Variants in RNF180 observed in about 807,000 individuals in gnomAD.
RNF180 encodes ring finger protein 180, also known as E3 ubiquitin-protein ligase RNF180.
RNF180 carries 38 observed loss-of-function variants against 59.2 expected under a neutral mutation model. The observed-to-expected ratio is 0.64, with a 90% CI of 0.50 to 0.84. The LOEUF is 0.84. Among genes scored for constraint, RNF180 ranks in the 40% least tolerant of loss-of-function variants. RNF180 has a pLI of 0.00. For missense variants in RNF180, 705 were observed against 700.9 expected, an observed-to-expected ratio of 1.01 and a Z score of -0.07; for synonymous variants, 262 against 240.3, an observed-to-expected ratio of 1.09 and a Z score of -0.84.
chr5:64,211,956 G>C (rs1466742660), intron 2 of RNF180, 109 bp from the exon 3 acceptor site: 1 of 598,482 alleles, frequency 1.7e-6, no homozygotes, highest in East Asian at 2.9e-5. Context: ...GTGTATATTT[G>C]CCTTCTAGCT....
At chr5:64,308,329 T>C (rs1215829619) in intron 5 of RNF180, among the ~76,000 whole-genome samples, 1 of 151,756 alleles carries the variant, frequency 6.6e-6, no homozygotes, top group Non-Finnish European at 1.5e-5. Flanking sequence ...TGTAATCTTA[T>C]GTGCATATTC....
At chr5:64,358,988 T>C (rs1270631315) in intron 7 of RNF180, among the ~76,000 whole-genome samples, 3 of 151,328 alleles carry the variant, frequency 2.0e-5, no homozygotes. Flanking sequence ...GGCTGCATAG[T>C]ATTCCATGGT....
intron 3 of RNF180, among the ~76,000 whole-genome samples, chr5:64,212,575 C>G (rs1235942084): frequency 1.3e-5 from 2 of 151,860 alleles, no homozygotes; most frequent in African/African-American, 4.8e-5. Context: ...AGAATAAGTC[C>G]TGTTGAATAA....
intron 5 of RNF180, among the ~76,000 whole-genome samples, chr5:64,324,945 G>A (rs974953146): frequency 3.3e-5 from 5 of 151,996 alleles, no homozygotes; most frequent in African/African-American, 1.2e-4. Flanking sequence ...ATACTTAATA[G>A]GTTTAGGTAT....
At chr5:64,317,656 C>G (rs1744126338) in intron 5 of RNF180, among the ~76,000 whole-genome samples, 1 of 150,102 alleles carries the variant, frequency 6.7e-6, no homozygotes, top group Admixed American at 6.6e-5. Flanking sequence ...ACACAGTAGT[C>G]CTGCCTTATC....
At chr5:64,260,552 A>G (rs886801837) in intron 5 of RNF180, among the ~76,000 whole-genome samples, 2 of 152,174 alleles carry the variant, frequency 1.3e-5, no homozygotes, top group Non-Finnish European at 2.9e-5. Context: ...ATTATCTATT[A>G]ATTTAGAATA....
chr5:64,281,522 G>A (rs1349850502), intron 5 of RNF180, among the ~76,000 whole-genome samples: 3 of 151,514 alleles, frequency 2.0e-5, no homozygotes, highest in African/African-American at 7.3e-5. Context: ...TTTTTGAGAT[G>A]GAGTCTTGTT....
chr5:64,353,099 G>A (rs1048884322), intron 7 of RNF180, among the ~76,000 whole-genome samples: 8 of 151,480 alleles, frequency 5.3e-5, no homozygotes, highest in African/African-American at 1.9e-4. Context: ...AAATCTCTAG[G>A]CTATATTTGC....
At chr5:64,276,723 A>G (rs1741741071) in intron 5 of RNF180, among the ~76,000 whole-genome samples, 2 of 152,118 alleles carry the variant, frequency 1.3e-5, no homozygotes, top group Admixed American at 6.6e-5. Flanking sequence ...TACAAATCAA[A>G]ATAATGTAAA....
intron 2 of RNF180, among the ~76,000 whole-genome samples, chr5:64,208,491 A>G (rs1336542675): frequency 1.3e-5 from 2 of 152,020 alleles, no homozygotes; most frequent in African/African-American, 4.8e-5. Flanking sequence ...TTGTTTTATC[A>G]TTTATATATT....
chr5:64,207,397 G>A (rs913565723), intron 2 of RNF180, among the ~76,000 whole-genome samples: 12 of 152,062 alleles, frequency 7.9e-5, no homozygotes, highest in African/African-American at 2.2e-4. Flanking sequence ...CAGGACCAGC[G>A]TGTTCAAAGG....
rs1195876249 is a variant in RNF180, at chr5:64,287,113, C to T, written c.1228-38073C>T. ...TCCCGAGTAGCTAGAATTACAGGCACCTGCCACCACACCTGGCTGATTTTT... is the reference window on the plus strand; with the variant it reads ...TCCCGAGTAGCTAGAATTACAGGCATCTGCCACCACACCTGGCTGATTTTT... On this transcript the variant is annotated intron_variant, in intron 5 of 7. Transcript: ENST00000389100. 1.6e-4 allele frequency among the ~76,000 whole-genome samples: 24 copies of T among 152,218 alleles called. 1 individual carries two copies.
rs550861759 is a variant in RNF180, at chr5:64,199,059, C to T, written c.1-1749C>T. Among the ~76,000 whole-genome samples the T allele has an allele frequency of 3.2e-3, 493 of 152,296 alleles. 1 individual carries two copies. The highest frequency in any genetic ancestry group is 0.012 in the African/African-American group (485 of 41,574). On this transcript the variant is annotated intron_variant, in intron 1 of 7. Coordinates refer to ENST00000389100, the MANE Select transcript of RNF180 (RefSeq NM_001113561.2). ...TTTCGAACTCCTGACCTCAGATGAT[C>T]CACCCGCCTTGGCCTCCCAGAGTGC...
chr5:64,369,107 A>G (rs1391461420), intron 7 of RNF180, among the ~76,000 whole-genome samples: 1 of 152,102 alleles, frequency 6.6e-6, no homozygotes, highest in African/African-American at 2.4e-5. Flanking sequence ...TGGCACATAT[A>G]CACCATGGAA....
chr5:64,314,524 C>T (rs1743940204), intron 5 of RNF180, among the ~76,000 whole-genome samples: 1 of 152,090 alleles, frequency 6.6e-6, no homozygotes, highest in African/African-American at 2.4e-5. Flanking sequence ...GTTCTTATTA[C>T]ACCTTTTGGT....
At chr5:64,343,429 T>C (rs1334120259) in intron 7 of RNF180, among the ~76,000 whole-genome samples, 2 of 152,038 alleles carry the variant, frequency 1.3e-5, no homozygotes, top group Non-Finnish European at 2.9e-5. Context: ...AAGAAGGGAA[T>C]AGAAAAATAT....
chr5:64,351,326 A>G (rs1179748957), intron 7 of RNF180, among the ~76,000 whole-genome samples: 1 of 152,126 alleles, frequency 6.6e-6, no homozygotes, highest in Non-Finnish European at 1.5e-5. Flanking sequence ...GGTTTTCTAA[A>G]TATACAATCA....
intron 5 of RNF180, among the ~76,000 whole-genome samples, chr5:64,239,136 G>A (rs1056825021): frequency 1.3e-5 from 2 of 152,124 alleles, no homozygotes; most frequent in African/African-American, 2.4e-5. Context: ...TTTGACCCAT[G>A]TATATGGTTC....
chr5:64,192,276 C>T (rs541525837), intron 1 of RNF180, among the ~76,000 whole-genome samples: 26 of 151,840 alleles, frequency 1.7e-4, no homozygotes, highest in African/African-American at 6.3e-4. Context: ...TATTGTCTCA[C>T]ACCTGTTAGG....
Sources: gnomAD v4.1 joint callset for allele counts (sites outside exome capture counted in the v4.1 genomes callset) on GRCh38, gnomAD v4.1.1 for gene constraint, MANE v1.5 for transcripts, NCBI Gene and HGNC (gene_info 2026-07-23, HGNC 2026-07-21) for gene names.